The following EXOC4 variants were observed in gnomAD, a reference collection of about 807,000 sequenced individuals.
EXOC4 encodes exocyst complex component 4, also known as SEC8-like 1.
In EXOC4, 71 loss-of-function variants were observed where a neutral mutation model predicts 107.2. That is an observed-to-expected ratio of 0.66 (90% CI 0.55 to 0.81). The LOEUF (loss-of-function observed/expected upper bound fraction) is 0.81. Among genes scored for constraint, EXOC4 ranks in the 30% least tolerant of loss-of-function variants. The pLI, the probability that EXOC4 is intolerant of heterozygous loss-of-function variation, is 0.00. For synonymous variants in EXOC4, 456 were observed against 441.2 expected, an observed-to-expected ratio of 1.03 and a Z score of -0.42; for missense variants, 1,108 against 1,189.6, an observed-to-expected ratio of 0.93 and a Z score of 1.01.
chr7:133,871,858 A>C (rs867452403), intron 11 of EXOC4, among the ~76,000 whole-genome samples: 1 of 152,224 alleles, frequency 6.6e-6, no homozygotes, highest in African/African-American at 2.4e-5. Context: ...CATAGTTATG[A>C]GGACCAAATG....
intron 14 of EXOC4, among the ~76,000 whole-genome samples, chr7:133,962,190 C>T (rs1800961614): frequency 6.6e-6 from 1 of 152,164 alleles, no homozygotes. Context: ...CATCTAGGGC[C>T]TTGTCTTCTT....
chr7:133,369,867 C>CGCAATTTT (rs1563038893), intron 6 of EXOC4, among the ~76,000 whole-genome samples: 1 of 63,288 alleles, frequency 1.6e-5, no homozygotes, highest in Non-Finnish European at 2.9e-5. Context: ...AGTGCAATGG[C>CGCAATTTT]GCAATTTGGC....
chr7:133,953,964 G>A (rs1490400854), intron 14 of EXOC4, among the ~76,000 whole-genome samples: 1 of 152,204 alleles, frequency 6.6e-6, no homozygotes, highest in Non-Finnish European at 1.5e-5. Context: ...CTATATGGGA[G>A]GAATCCTGCA....
chr7:133,947,103 G>A (rs1292489401), intron 14 of EXOC4, among the ~76,000 whole-genome samples: 2 of 152,158 alleles, frequency 1.3e-5, no homozygotes, highest in Non-Finnish European at 2.9e-5. Context: ...GAGCTAAATA[G>A]GTCTTCTCAC....
At chr7:133,471,366 C>G (rs554068215) in intron 7 of EXOC4, among the ~76,000 whole-genome samples, 3 of 150,530 alleles carry the variant, frequency 2.0e-5, no homozygotes, top group African/African-American at 7.3e-5. Context: ...GAGCCAAGAT[C>G]GTGCCATTGC....
chr7:134,081,535 C>G, the EXOC4 span, among the ~76,000 whole-genome samples: 1 of 152,116 alleles, frequency 6.6e-6, no homozygotes, highest in Admixed American at 6.6e-5. Flanking sequence ...GTTTTTATAT[C>G]TTTTGTTCTC....
At chr7:133,610,597 C>T (rs1469619400) in intron 9 of EXOC4, among the ~76,000 whole-genome samples, 1 of 152,114 alleles carries the variant, frequency 6.6e-6, no homozygotes, top group Non-Finnish European at 1.5e-5. Flanking sequence ...ATTTCTCTCA[C>T]CTAAACATTC....
chr7:133,766,549 G>A (rs1031305059), intron 10 of EXOC4, among the ~76,000 whole-genome samples: 3 of 151,896 alleles, frequency 2.0e-5, no homozygotes, highest in Non-Finnish European at 4.4e-5. Context: ...ATTGTAATTA[G>A]GGATCTTAAA....
intron 10 of EXOC4, among the ~76,000 whole-genome samples, chr7:133,763,275 T>C (rs1796070378): frequency 2.0e-5 from 3 of 152,102 alleles, no homozygotes; most frequent in Non-Finnish European, 2.9e-5. Context: ...AAAACAGGGC[T>C]GAGTACCAAG....
intron 10 of EXOC4, among the ~76,000 whole-genome samples, chr7:133,747,038 G>T (rs187500371): frequency 6.6e-6 from 1 of 152,280 alleles, no homozygotes; most frequent in Non-Finnish European, 1.5e-5. Flanking sequence ...CCTGGGGAAT[G>T]TTAGGAATTA....
chr7:133,818,243 A>G (rs1267870485), intron 11 of EXOC4, among the ~76,000 whole-genome samples: 4 of 152,192 alleles, frequency 2.6e-5, no homozygotes, highest in Non-Finnish European at 1.5e-5. Context: ...TACATTAACT[A>G]TTATTACGTT....
chr7:133,570,741 C>T (rs907998044), intron 9 of EXOC4, among the ~76,000 whole-genome samples: 3 of 152,052 alleles, frequency 2.0e-5, no homozygotes, highest in Admixed American at 1.3e-4. Context: ...TATGGTTTTT[C>T]GCATTCTAGA....
intron 11 of EXOC4, among the ~76,000 whole-genome samples, chr7:133,846,695 A>T (rs917730726): frequency 6.6e-6 from 1 of 152,164 alleles, no homozygotes; most frequent in Non-Finnish European, 1.5e-5. Context: ...TGTGGTGGGG[A>T]AGTAGCCATA....
chr7:133,472,819 A>G (rs1798910677), intron 7 of EXOC4, among the ~76,000 whole-genome samples: 1 of 152,160 alleles, frequency 6.6e-6, no homozygotes, highest in South Asian at 2.1e-4. Flanking sequence ...AACAATGCTG[A>G]GAGGTAACAA....
intron 3 of EXOC4, 83 bp downstream of exon 3, chr7:133,289,199 A>C (rs894206165): frequency 2.5e-6 from 3 of 1,188,990 alleles, no homozygotes; most frequent in Non-Finnish European, 3.6e-6. Context: ...CCTGTAATGC[A>C]TGTAGCACAT....
chr7:133,452,276 TA>T (rs1200980818), intron 7 of EXOC4, among the ~76,000 whole-genome samples: 1 of 152,046 alleles, frequency 6.6e-6, no homozygotes, highest in Admixed American at 6.6e-5. Flanking sequence ...TCCAAGACCC[TA>T]AGAAGTATAA....
At chr7:133,368,024 C>T (rs915048721) in intron 6 of EXOC4, among the ~76,000 whole-genome samples, 3 of 152,222 alleles carry the variant, frequency 2.0e-5, no homozygotes, top group Non-Finnish European at 4.4e-5. Context: ...TATTGCCATC[C>T]TGCATTGCTC....
chr7:133,488,473 A>G (rs1484598868), intron 9 of EXOC4, among the ~76,000 whole-genome samples: 1 of 152,138 alleles, frequency 6.6e-6, no homozygotes, highest in Non-Finnish European at 1.5e-5. Flanking sequence ...TTAAAACACT[A>G]AAGACTCAGA....
rs139418578 is a variant in EXOC4 at position 133,426,389 on chromosome 7, G to A, written c.1183-48939G>A. Among the ~76,000 whole-genome samples the A allele has an allele frequency of 9.8e-5, 15 of 152,292 alleles. 1 individual carries two copies. Among genetic ancestry groups the A allele is most frequent in the South Asian group, 6.2e-4 (3 of 4,824 alleles). On this transcript the variant is annotated intron_variant, in intron 7 of 17. Coordinates refer to ENST00000253861, the MANE Select transcript of EXOC4 (RefSeq NM_021807.4). ...AGGAAGAGTTAAACACTTATTGTTTGGAAACCAAGCTGATGAGCATATTAT... is the reference window on the plus strand; with the variant it reads ...AGGAAGAGTTAAACACTTATTGTTTAGAAACCAAGCTGATGAGCATATTAT...
Sources: gnomAD v4.1 joint callset for allele counts (sites outside exome capture counted in the v4.1 genomes callset) on GRCh38, gnomAD v4.1.1 for gene constraint, MANE v1.5 for transcripts, NCBI Gene and HGNC (gene_info 2026-07-23, HGNC 2026-07-21) for gene names.